MEF2A: variants seen among roughly 807,000 people sequenced by gnomAD.
MEF2A encodes the protein myocyte enhancer factor 2A.
MEF2A carries 28 observed loss-of-function variants against 55.8 expected under a neutral mutation model. The ratio of observed to expected loss-of-function variants is 0.50; its 90% confidence interval spans 0.37 to 0.69. MEF2A has a LOEUF of 0.69. Among genes scored for constraint, MEF2A ranks in the 30% least tolerant of loss-of-function variants. MEF2A has a pLI of 0.00. For missense variants in MEF2A, 528 were observed against 626.2 expected, an observed-to-expected ratio of 0.84 and a Z score of 1.67; for synonymous variants, 239 against 227.1, an observed-to-expected ratio of 1.05 and a Z score of -0.47.
intron 1 of MEF2A, among the ~76,000 whole-genome samples, chr15:99,580,763 G>A (rs1350399304): frequency 6.6e-6 from 1 of 152,120 alleles, no homozygotes; most frequent in African/African-American, 2.4e-5. Flanking sequence ...AACATAAGAT[G>A]TTTTCTGAAA....
intron 2 of MEF2A, among the ~76,000 whole-genome samples, chr15:99,610,062 T>C (rs1352139638): frequency 1.3e-5 from 2 of 152,096 alleles, no homozygotes; most frequent in Non-Finnish European, 2.9e-5. Context: ...CATATTTAAA[T>C]ACAGTAAAAA....
chr15:99,617,562 G>C (rs188179606), intron 2 of MEF2A, among the ~76,000 whole-genome samples: 92 of 152,250 alleles, frequency 6.0e-4, no homozygotes, highest in Admixed American at 9.2e-4. Flanking sequence ...CAGCATGTAT[G>C]TATCAGGATA....
At chr15:99,580,646 T>C (rs966135763) in intron 1 of MEF2A, among the ~76,000 whole-genome samples, 1 of 152,230 alleles carries the variant, frequency 6.6e-6, no homozygotes, top group South Asian at 2.1e-4. Flanking sequence ...CAGAGGTTTG[T>C]GTCTATAATA....
At chr15:99,696,247 T>TCGAC (rs1169684162) in intron 8 of MEF2A, among the ~76,000 whole-genome samples, 1 of 152,164 alleles carries the variant, frequency 6.6e-6, no homozygotes, top group East Asian at 1.9e-4. Flanking sequence ...TGAGCAACAC[T>TCGAC]CGACCAACAT....
At chr15:99,615,421 T>A (rs1395610646) in intron 2 of MEF2A, among the ~76,000 whole-genome samples, 1 of 152,238 alleles carries the variant, frequency 6.6e-6, no homozygotes, top group Admixed American at 6.5e-5. Context: ...GGTATTGCAT[T>A]ATTTTACAGT....
At chr15:99,606,424 A>G (rs1242029023) in intron 2 of MEF2A, among the ~76,000 whole-genome samples, 1 of 152,180 alleles carries the variant, frequency 6.6e-6, no homozygotes, top group Non-Finnish European at 1.5e-5. Flanking sequence ...TTGTTCTTGC[A>G]AAGTCACCAT....
At chr15:99,615,706 A>G (rs1045438826) in intron 2 of MEF2A, among the ~76,000 whole-genome samples, 1 of 152,202 alleles carries the variant, frequency 6.6e-6, no homozygotes, top group Non-Finnish European at 1.5e-5. Context: ...ACCGTATGCC[A>G]CTTCTCTGTG....
chr15:99,699,071 CA>C (rs371590167), intron 8 of MEF2A, among the ~76,000 whole-genome samples: 8 of 148,934 alleles, frequency 5.4e-5, no homozygotes, highest in African/African-American at 1.7e-4. Context: ...AAAAAAAAAA[CA>C]AAAAAAACTT....
intron 1 of MEF2A, among the ~76,000 whole-genome samples, chr15:99,588,187 G>A (rs1968006500): frequency 6.6e-6 from 1 of 152,026 alleles, no homozygotes; most frequent in Non-Finnish European, 1.5e-5. Flanking sequence ...CACCGTCATG[G>A]CTCACTGCAG....
At chr15:99,642,532 A>T (rs1448095537) in intron 3 of MEF2A, among the ~76,000 whole-genome samples, 1 of 151,192 alleles carries the variant, frequency 6.6e-6, no homozygotes, top group Non-Finnish European at 1.5e-5. Context: ...TTATGATTTG[A>T]TTTTTTTTCT....
intron 10 of MEF2A, among the ~76,000 whole-genome samples, chr15:99,707,987 G>A (rs2058228968): frequency 6.6e-6 from 1 of 151,844 alleles, no homozygotes; most frequent in African/African-American, 2.4e-5. Flanking sequence ...CCAACCGTTA[G>A]TATGAAAAAT....
intron 7 of MEF2A, among the ~76,000 whole-genome samples, chr15:99,681,454 A>G (rs2053230040): frequency 6.6e-6 from 1 of 152,250 alleles, no homozygotes. Context: ...ACTGGAAATT[A>G]GGAAAGATAA....
At chr15:99,670,409 C>A (rs1335619764) in intron 4 of MEF2A, among the ~76,000 whole-genome samples, 1 of 152,060 alleles carries the variant, frequency 6.6e-6, no homozygotes, top group Non-Finnish European at 1.5e-5. Flanking sequence ...GAGATCCAGA[C>A]CATCCTGGCT....
Position 99,713,189 on chromosome 15 carries a change from A to T in MEF2A, c.*418A>T, listed in dbSNP as rs2058845111. ...TGCAGTGACTGTAGTTACTTAAGAG[A>T]AAATGCTTTGTAGAACAGAGCAGTA... On this transcript the variant is annotated 3_prime_UTR_variant, in exon 12 of 12. Coordinates refer to ENST00000557942, the MANE Select transcript of MEF2A (RefSeq NM_001319206.4). 6 of 408,142 alleles carry T rather than the reference A, an allele frequency of 1.5e-5. No homozygotes were observed. The South Asian group carries it at 7.1e-4, about 48-fold the overall frequency. The allele number at this position is 408,142 out of a possible 1,614,324, so 25.3% of individuals were successfully genotyped here. A position where few individuals can be genotyped will look rare whatever the true frequency, so the allele number is the denominator to read the frequency against.
intron 1 of MEF2A, among the ~76,000 whole-genome samples, chr15:99,568,492 C>T (rs1960720803): frequency 6.6e-6 from 1 of 152,096 alleles, no homozygotes; most frequent in African/African-American, 2.4e-5. Context: ...GCAGTGTCAT[C>T]CATTAATTGG....
intron 4 of MEF2A, among the ~76,000 whole-genome samples, chr15:99,646,890 A>G (rs752638952): frequency 1.3e-4 from 20 of 152,088 alleles, no homozygotes; most frequent in Non-Finnish European, 2.1e-4. Flanking sequence ...CATTTTTTCA[A>G]ATGAGAAGTA....
At chr15:99,610,031 T>TCTAA (rs1331815773) in intron 2 of MEF2A, among the ~76,000 whole-genome samples, 11 of 152,238 alleles carry the variant, frequency 7.2e-5, no homozygotes, top group African/African-American at 2.6e-4. Flanking sequence ...TAGTGGATAC[T>TCTAA]ATTTAGAGGA....
chr15:99,629,475 C>T (rs1383926252), intron 2 of MEF2A, among the ~76,000 whole-genome samples: 249 of 140,136 alleles, frequency 1.8e-3, no homozygotes, highest in East Asian at 4.4e-3. Context: ...GTTGGCTAAA[C>T]ATTTGATTTT....
intron 4 of MEF2A, among the ~76,000 whole-genome samples, chr15:99,654,638 G>A (rs141379483): frequency 7.9e-5 from 12 of 151,912 alleles, no homozygotes; most frequent in Non-Finnish European, 1.6e-4. Flanking sequence ...GTAGAGATTT[G>A]GCTGTGTTCA....
Sources: gnomAD v4.1 joint callset for allele counts (sites outside exome capture counted in the v4.1 genomes callset) on GRCh38, gnomAD v4.1.1 for gene constraint, MANE v1.5 for transcripts, NCBI Gene and HGNC (gene_info 2026-07-23, HGNC 2026-07-21) for gene names.